Variants in ADAMTSL3 observed in about 807,000 individuals in gnomAD.
The protein encoded by ADAMTSL3 is ADAMTS-like protein 3.
In ADAMTSL3, 128 loss-of-function variants were observed where a neutral mutation model predicts 201.7. The observed-to-expected ratio is 0.63, with a 90% confidence interval of 0.55 to 0.73. ADAMTSL3 has a LOEUF of 0.73. Ranked by LOEUF, ADAMTSL3 falls within the 30% of genes least tolerant of loss-of-function variation. The probability of loss-of-function intolerance (pLI) is 0.00; values close to 1 mark genes in which losing one functional copy is unlikely to be tolerated. For missense variants in ADAMTSL3, 1,990 were observed against 2,119.6 expected, an observed-to-expected ratio of 0.94 and a Z score of 1.20; for synonymous variants, 738 against 748.4, an observed-to-expected ratio of 0.99 and a Z score of 0.23.
At chr15:84,027,758 T>C (rs780715986) in intron 27 of ADAMTSL3, among the ~76,000 whole-genome samples, 4 of 152,056 alleles carry the variant, frequency 2.6e-5, no homozygotes, top group Non-Finnish European at 4.4e-5. Context: ...CAAAAACTTG[T>C]ACATGAATAT....
intron 2 of ADAMTSL3, among the ~76,000 whole-genome samples, chr15:83,698,630 C>CTG (rs2061721455): frequency 1.3e-5 from 2 of 152,048 alleles, no homozygotes; most frequent in African/African-American, 4.8e-5. Context: ...CCACATGCCA[C>CTG]TGAGTCTTCC....
chr15:83,729,220 T>G (rs1229413005), intron 3 of ADAMTSL3, among the ~76,000 whole-genome samples: 2 of 152,082 alleles, frequency 1.3e-5, no homozygotes, highest in Admixed American at 1.3e-4. Context: ...TATTAAATAC[T>G]TTGTGGTAGT....
intron 11 of ADAMTSL3, 108 bp from the exon 12 acceptor site, chr15:83,891,221 C>T: frequency 2.1e-6 from 2 of 961,410 alleles, no homozygotes; most frequent in Non-Finnish European, 3.2e-6. Flanking sequence ...TTTTAGTTTC[C>T]AATTTGGAAG....
chr15:83,790,799 T>C (rs183589019), intron 4 of ADAMTSL3, among the ~76,000 whole-genome samples: 161 of 152,306 alleles, frequency 1.1e-3, no homozygotes, highest in African/African-American at 3.8e-3. Flanking sequence ...CAAGTGAGTC[T>C]GGCAAGGTCC....
intron 3 of ADAMTSL3, among the ~76,000 whole-genome samples, chr15:83,756,408 CA>C (rs2062719953): frequency 6.6e-6 from 1 of 152,158 alleles, no homozygotes; most frequent in Admixed American, 6.5e-5. Flanking sequence ...ATTATTTGTG[CA>C]GGGGTACTCC....
At chr15:83,898,851 G>A (rs2065668665) in intron 14 of ADAMTSL3, among the ~76,000 whole-genome samples, 1 of 152,088 alleles carries the variant, frequency 6.6e-6, no homozygotes, top group Non-Finnish European at 1.5e-5. Context: ...CATACAAATA[G>A]CCTCATAATT....
intron 2 of ADAMTSL3, among the ~76,000 whole-genome samples, chr15:83,687,643 C>T (rs544355729): frequency 3.5e-4 from 53 of 152,216 alleles, no homozygotes; most frequent in African/African-American, 1.3e-3. Context: ...TCCCCCTCCC[C>T]GTTAACATAC....
chr15:83,985,684 G>A (rs535126053), intron 21 of ADAMTSL3, among the ~76,000 whole-genome samples: 43 of 152,126 alleles, frequency 2.8e-4, no homozygotes, highest in African/African-American at 9.9e-4. Flanking sequence ...CCAGGCTGGA[G>A]TGCAGTGGTG....
intron 3 of ADAMTSL3, among the ~76,000 whole-genome samples, chr15:83,718,015 A>G (rs1206352234): frequency 2.6e-5 from 4 of 152,196 alleles, no homozygotes. Flanking sequence ...GGAGACAGGG[A>G]AAAAAGATAG....
chr15:83,745,434 G>A (rs1466900250), intron 3 of ADAMTSL3, among the ~76,000 whole-genome samples: 2 of 152,186 alleles, frequency 1.3e-5, no homozygotes, highest in African/African-American at 4.8e-5. Flanking sequence ...ACTTAAGCTG[G>A]CAAAGCTAAA....
chr15:83,753,379 G>T (rs2062669743), intron 3 of ADAMTSL3, among the ~76,000 whole-genome samples: 1 of 152,202 alleles, frequency 6.6e-6, no homozygotes, highest in Admixed American at 6.5e-5. Flanking sequence ...TCCAGAGCAT[G>T]CAGACCACCA....
intron 4 of ADAMTSL3, among the ~76,000 whole-genome samples, chr15:83,789,200 G>A (rs1330185037): frequency 2.0e-5 from 3 of 152,120 alleles, no homozygotes; most frequent in African/African-American, 7.2e-5. Flanking sequence ...CCTTCCAGGA[G>A]ATTTATCTAA....
chr15:83,771,812 A>G (rs2062988270), intron 3 of ADAMTSL3, among the ~76,000 whole-genome samples: 2 of 152,126 alleles, frequency 1.3e-5, no homozygotes, highest in African/African-American at 2.4e-5. Context: ...TGGATCATAT[A>G]GTAATTCTAT....
chr15:83,872,627 C>CACACACACACAGAGAG (rs6145659), intron 9 of ADAMTSL3, among the ~76,000 whole-genome samples: 24,150 of 140,888 alleles, frequency 0.17, 2,820 homozygotes, highest in Non-Finnish European at 0.24. Context: ...CACACACACA[C>CACACACACACAGAGAG]AGAGTTTTTG....
chr15:83,988,731 C>A lies in ADAMTSL3; in HGVS notation c.3757C>A (p.Pro1253Thr), dbSNP rs761149930. The change falls in exon 22 of 30, where the codon CCT (proline) becomes ACT (threonine). Residue 1253 changes from proline to threonine, a missense_variant. Coordinates refer to ENST00000286744, the MANE Select transcript of ADAMTSL3 (RefSeq NM_207517.3). ...DGTGKIQIQN[P>T]TRKEQGIYEC... ...AACTGGGAAGATACAGATACAGAAT[C>A]CTACAAGGAAAGAACAAGGCATATA... 3.9e-5 allele frequency: 62 copies of A among 1,608,292 alleles called. No individual in the cohort carries two copies. The highest frequency in any genetic ancestry group is 5.1e-5 in the Non-Finnish European group (60 of 1,176,870).
chr15:83,954,835 C>G (rs1338948723), intron 19 of ADAMTSL3, among the ~76,000 whole-genome samples: 1 of 152,214 alleles, frequency 6.6e-6, no homozygotes, highest in Non-Finnish European at 1.5e-5. Flanking sequence ...CAGCATCTCT[C>G]TGCCTCTGTC....
intron 16 of ADAMTSL3, among the ~76,000 whole-genome samples, chr15:83,916,052 G>A (rs895618254): frequency 3.3e-5 from 5 of 152,178 alleles, no homozygotes; most frequent in Non-Finnish European, 5.9e-5. Flanking sequence ...AAACATACAA[G>A]TTTTTTGACA....
chr15:83,971,437 G>A (rs2142126395), intron 20 of ADAMTSL3, among the ~76,000 whole-genome samples: 1 of 151,646 alleles, frequency 6.6e-6, no homozygotes, highest in South Asian at 2.1e-4. Flanking sequence ...CACTCCTGTA[G>A]TCCCAGCTAC....
intron 4 of ADAMTSL3, among the ~76,000 whole-genome samples, chr15:83,795,491 G>A (rs556001792): frequency 1.0e-3 from 157 of 152,208 alleles, no homozygotes; most frequent in African/African-American, 3.6e-3. Flanking sequence ...GTGTATGCGA[G>A]TTCACACCAT....
Sources: gnomAD v4.1 joint callset for allele counts (sites outside exome capture counted in the v4.1 genomes callset) on GRCh38, gnomAD v4.1.1 for gene constraint, MANE v1.5 for transcripts, NCBI Gene and HGNC (gene_info 2026-07-23, HGNC 2026-07-21) for gene names.